The following COL4A6 variants were observed in gnomAD, a reference collection of about 807,000 sequenced individuals.
COL4A6 encodes collagen alpha-6(IV) chain.
A neutral mutation model predicts 126.7 loss-of-function variants in COL4A6; 59 were observed. That is an observed-to-expected ratio of 0.47 (90% CI 0.38 to 0.58). The LOEUF is 0.58. Ranked by LOEUF, COL4A6 falls within the 20% of genes least tolerant of loss-of-function variation. The pLI, the probability that COL4A6 is intolerant of heterozygous loss-of-function variation, is 0.00. For synonymous variants in COL4A6, 547 were observed against 496.6 expected, an observed-to-expected ratio of 1.10 and a Z score of -1.35; for missense variants, 1,285 against 1,337.3, an observed-to-expected ratio of 0.96 and a Z score of 0.61.
At chrX:108,326,749 A>AAATGATGAACT (rs1171493961) in intron 2 of COL4A6, among the ~76,000 whole-genome samples, 2 of 112,460 alleles carry the variant, frequency 1.8e-5, no homozygotes, top group South Asian at 3.7e-4. Flanking sequence ...CAAAATAAAC[A>AAATGATGAACT]AATGATGAAC....
chrX:108,247,467 C>T (rs183106027), intron 3 of COL4A6, among the ~76,000 whole-genome samples: 159 of 110,570 alleles, frequency 1.4e-3, no homozygotes, highest in African/African-American at 5.0e-3. Flanking sequence ...GCTTTATCCC[C>T]ACATTTCCCC....
At chrX:108,290,869 C>T (rs1213927443) in intron 3 of COL4A6, among the ~76,000 whole-genome samples, 1 of 112,559 alleles carries the variant, frequency 8.9e-6, no homozygotes, top group African/African-American at 3.2e-5. Flanking sequence ...TGACACTACC[C>T]ATCTCCCAGT....
chrX:108,189,062 A>C (rs1187085982), intron 20 of COL4A6, among the ~76,000 whole-genome samples: 3 of 112,656 alleles, frequency 2.7e-5, no homozygotes, highest in African/African-American at 9.7e-5. Flanking sequence ...CAAATGCCAA[A>C]TAAATAATGA....
intron 3 of COL4A6, among the ~76,000 whole-genome samples, chrX:108,291,823 T>C (rs1038202395): frequency 8.9e-6 from 1 of 112,096 alleles, no homozygotes; most frequent in Non-Finnish European, 1.9e-5. Flanking sequence ...GGTTCTGTGG[T>C]GAGAACTTAG....
intron 27 of COL4A6, among the ~76,000 whole-genome samples, chrX:108,177,263 A>T (rs1211806184): frequency 8.9e-6 from 1 of 112,054 alleles, no homozygotes; most frequent in Non-Finnish European, 1.9e-5. Flanking sequence ...GGGAGAGCAA[A>T]CCCCTTCTGA....
In COL4A6 at chrX:108,269,175, A is replaced by G. The variant is rs1278286884; in HGVS notation, c.144+41573T>C. ...GTGCTGCAGACAAAAAAAAAATAAT[A>G]GATCAGGAAAGCAAACTGTGCCAAT... On this transcript the variant is annotated intron_variant, in intron 3 of 44. Transcript: ENST00000334504. 9.1e-6 allele frequency: 3 copies of G among 330,744 alleles called. No individual in the cohort carries two copies. In the Admixed American group the frequency reaches 9.3e-5, roughly 10 times the overall value. The allele number at this position is 330,744 out of a possible 1,213,427, so 27.3% of individuals were successfully genotyped here.
At chrX:108,271,138 C>T (rs772639224) in intron 3 of COL4A6, among the ~76,000 whole-genome samples, 11 of 112,182 alleles carry the variant, frequency 9.8e-5, no homozygotes, top group Non-Finnish European at 2.1e-4. Flanking sequence ...GGGCTGTGGC[C>T]GGCAAGTTTG....
At chrX:108,416,264 A>T (rs2041432703) in intron 2 of COL4A6, among the ~76,000 whole-genome samples, 1 of 111,770 alleles carries the variant, frequency 8.9e-6, no homozygotes, top group Non-Finnish European at 1.9e-5. Flanking sequence ...AAAATGGAAT[A>T]ATAATATTAT....
chrX:108,340,306 T>C (rs2039528432), intron 2 of COL4A6, among the ~76,000 whole-genome samples: 2 of 111,708 alleles, frequency 1.8e-5, no homozygotes, highest in Admixed American at 9.5e-5. Flanking sequence ...ATTTAAATAC[T>C]ATTTTATTTT....
At position 108,205,485 on chromosome X, in the gene COL4A6, G is replaced by A; in HGVS notation, c.646-5C>T. On this transcript the variant is annotated splice_polypyrimidine_tract_variant and splice_region_variant and intron_variant, in intron 10 of 44. Transcript: ENST00000334504. ...AAAACCTAGCCCCATATTCCCCTAGGGAATAGGGATATAGGGAGGAAAAAC... is the reference window on the plus strand; with the variant it reads ...AAAACCTAGCCCCATATTCCCCTAGAGAATAGGGATATAGGGAGGAAAAAC... 4.2e-6 allele frequency: 5 copies of A among 1,192,459 alleles called. No homozygotes were observed. Among genetic ancestry groups the A allele is most frequent in the Non-Finnish European group, 5.7e-6 (5 of 879,342 alleles).
intron 2 of COL4A6, among the ~76,000 whole-genome samples, chrX:108,353,857 T>C (rs2039895789): frequency 8.9e-6 from 1 of 112,434 alleles, no homozygotes; most frequent in Non-Finnish European, 1.9e-5. Flanking sequence ...AATGTTTTGA[T>C]AGAAAGTGAT....
intron 2 of COL4A6, among the ~76,000 whole-genome samples, chrX:108,417,689 G>C (rs977291026): frequency 8.9e-6 from 1 of 111,734 alleles, no homozygotes; most frequent in Non-Finnish European, 1.9e-5. Flanking sequence ...CAAATATATA[G>C]AGAATATTGT....
intron 2 of COL4A6, among the ~76,000 whole-genome samples, chrX:108,423,566 C>T (rs1468680856): frequency 9.0e-6 from 1 of 111,485 alleles, no homozygotes; most frequent in Non-Finnish European, 1.9e-5. Context: ...ATTCTGGTTC[C>T]AGCACCTCAC....
At position 108,174,634 on chromosome X, in the gene COL4A6, T is replaced by C. The variant is rs759186403; in HGVS notation, c.2957-13A>G. On this transcript the variant is annotated splice_polypyrimidine_tract_variant and intron_variant, in intron 30 of 44. Transcript: ENST00000334504. Reference sequence around the variant, plus strand: ...TCTCCTTTGTCACCTGTAAAAGAAATAAAAAGACTTGGAAAAAGACACTGG... The same window carrying C: ...TCTCCTTTGTCACCTGTAAAAGAAACAAAAAGACTTGGAAAAAGACACTGG... 73 of 1,138,892 alleles carry C rather than the reference T, an allele frequency of 6.4e-5. No homozygotes were observed. Among genetic ancestry groups the C allele is most frequent in the Non-Finnish European group, 7.4e-5 (64 of 863,072 alleles). 93.9% of individuals were successfully genotyped at this position (1,138,892 alleles called of 1,213,427 possible).
At chrX:108,397,796 C>T (rs2040998545) in intron 2 of COL4A6, among the ~76,000 whole-genome samples, 1 of 111,453 alleles carries the variant, frequency 9.0e-6, no homozygotes, top group Non-Finnish European at 1.9e-5. Flanking sequence ...TGTTGTCCAC[C>T]CTCAGTGCAA....
At chrX:108,277,524 G>T (rs2037645607) in intron 3 of COL4A6, among the ~76,000 whole-genome samples, 1 of 112,592 alleles carries the variant, frequency 8.9e-6, no homozygotes, top group Admixed American at 9.3e-5. Context: ...AGCTCAAGGA[G>T]GCCTGCCTGC....
At chrX:108,309,801 AACACACACACACACACACACACAC>A (rs4036315) in intron 3 of COL4A6, among the ~76,000 whole-genome samples, 1 of 80,898 alleles carries the variant, frequency 1.2e-5, no homozygotes, top group East Asian at 4.0e-4. Flanking sequence ...TAATCCTGGA[AACACACACACACACACACACACAC>A]ACACACACAC....
At chrX:108,290,467 A>G (rs1210248866) in intron 3 of COL4A6, among the ~76,000 whole-genome samples, 1 of 112,479 alleles carries the variant, frequency 8.9e-6, no homozygotes, top group Non-Finnish European at 1.9e-5. Flanking sequence ...TTCCACATCT[A>G]TGTATTAAAA....
intron 3 of COL4A6, among the ~76,000 whole-genome samples, chrX:108,225,224 C>T (rs1046997454): frequency 1.8e-5 from 2 of 111,859 alleles, no homozygotes; most frequent in African/African-American, 3.3e-5. Context: ...ACCCTGGGCC[C>T]GCCCCTGGGA....
Sources: allele counts gnomAD v4.1 joint callset (sites outside exome capture counted in the v4.1 genomes callset), GRCh38; gene constraint gnomAD v4.1.1; transcripts MANE v1.5; gene names NCBI Gene and HGNC (gene_info 2026-07-23, HGNC 2026-07-21).